Variants in TUSC3 observed in about 807,000 individuals in gnomAD.
TUSC3 encodes the protein dolichyl-diphosphooligosaccharide--protein glycosyltransferase subunit TUSC3.
A neutral mutation model predicts 44.8 loss-of-function variants in TUSC3; 45 were observed. The ratio of observed to expected loss-of-function variants is 1.00; its 90% CI spans 0.79 to 1.29. The LOEUF is 1.29. TUSC3 is among the 50% of genes most tolerant of loss of function. The pLI is 0.00. For missense variants in TUSC3, 519 were observed against 437.9 expected, an observed-to-expected ratio of 1.19 and a Z score of -1.65; for synonymous variants, 212 against 152.9, an observed-to-expected ratio of 1.39 and a Z score of -2.85.
chr8:15,545,836 T>G (rs1308198488), intron 1 of TUSC3, among the ~76,000 whole-genome samples: 1 of 151,708 alleles, frequency 6.6e-6, no homozygotes, highest in Non-Finnish European at 1.5e-5. Flanking sequence ...GTGAGTGTGG[T>G]CTGTTATGCC....
chr8:15,680,634 T>C (rs1000500694), intron 6 of TUSC3, among the ~76,000 whole-genome samples: 2 of 152,176 alleles, frequency 1.3e-5, no homozygotes, highest in Admixed American at 6.5e-5. Flanking sequence ...TGCTGAATAG[T>C]AGTAGAGAGT....
the TUSC3 span, among the ~76,000 whole-genome samples, chr8:15,843,574 T>C: frequency 3.4e-5 from 5 of 146,494 alleles, no homozygotes; most frequent in Non-Finnish European, 7.4e-5. Context: ...TGAACACCAA[T>C]ATAACACAAC....
At chr8:15,668,267 T>TC (rs1807769845) in intron 5 of TUSC3, among the ~76,000 whole-genome samples, 1 of 151,772 alleles carries the variant, frequency 6.6e-6, no homozygotes, top group Non-Finnish European at 1.5e-5. Flanking sequence ...CACTGTTACT[T>TC]ATAGCATTGT....
the TUSC3 span, among the ~76,000 whole-genome samples, chr8:15,833,302 AATTCCT>A: frequency 6.6e-6 from 1 of 152,174 alleles, no homozygotes; most frequent in Non-Finnish European, 1.5e-5. Context: ...ACAATGTGGC[AATTCCT>A]CAAAGACCTA....
the TUSC3 span, among the ~76,000 whole-genome samples, chr8:15,782,054 G>A: frequency 6.6e-6 from 1 of 152,214 alleles, no homozygotes; most frequent in Non-Finnish European, 1.5e-5. Context: ...ATAATCGCTT[G>A]AACTCAGGAG....
chr8:15,687,454 A>G (rs1294940310), intron 6 of TUSC3, among the ~76,000 whole-genome samples: 1 of 152,112 alleles, frequency 6.6e-6, no homozygotes, highest in East Asian at 1.9e-4. Context: ...TAATCTTTAT[A>G]TTCCTTTTTA....
Position 15,503,138 on chromosome 8 carries a change from CA to C in TUSC3, n.189+19658del, listed in dbSNP as rs138158335. On this transcript the variant is annotated intron_variant and non_coding_transcript_variant, in intron 2 of 5. Coordinates refer to the TUSC3 transcript ENST00000503191. Reference sequence around the variant, plus strand: ...GAGTGTATTTGGAGGGTTGGGTCTTCAAAGAGGTAATTATATTAAAATGAGA... The same window carrying C: ...GAGTGTATTTGGAGGGTTGGGTCTTCAAGAGGTAATTATATTAAAATGAGA... Among the ~76,000 whole-genome samples, 1,318 of 152,164 alleles carry C rather than the reference CA, an allele frequency of 8.7e-3. 19 individuals carry two copies. The highest frequency in any genetic ancestry group is 0.03 in the African/African-American group (1,245 of 41,492).
intron 9 of TUSC3, 68 bp from the exon 10 acceptor site, chr8:15,757,723 A>C: frequency 2.7e-6 from 4 of 1,473,454 alleles, no homozygotes; most frequent in Non-Finnish European, 3.8e-6. Context: ...AATATTGTAC[A>C]AATGGAAATT....
intron 1 of TUSC3, among the ~76,000 whole-genome samples, chr8:15,473,046 C>T (rs557582006): frequency 6.6e-6 from 1 of 152,206 alleles, no homozygotes; most frequent in African/African-American, 2.4e-5. Flanking sequence ...ATATATGCTG[C>T]CTTCATGAAG....
intron 1 of TUSC3, among the ~76,000 whole-genome samples, chr8:15,454,944 G>C (rs1025068646): frequency 6.6e-6 from 1 of 152,018 alleles, no homozygotes; most frequent in Non-Finnish European, 1.5e-5. Flanking sequence ...GATGTAACAG[G>C]CTCTCCCCTC....
intron 3 of TUSC3, among the ~76,000 whole-genome samples, chr8:15,654,198 G>T (rs1165706767): frequency 2.0e-5 from 3 of 152,294 alleles, no homozygotes; most frequent in Non-Finnish European, 4.4e-5. Flanking sequence ...GGGGAGTGAG[G>T]AAGATGGGGA....
chr8:15,444,406 C>T (rs1442825441), intron 1 of TUSC3, among the ~76,000 whole-genome samples: 1 of 152,088 alleles, frequency 6.6e-6, no homozygotes, highest in African/African-American at 2.4e-5. Context: ...AGGAGTGAGT[C>T]AGGGGAGATA....
chr8:15,450,439 A>G (rs563869150), intron 1 of TUSC3, among the ~76,000 whole-genome samples: 15 of 152,306 alleles, frequency 9.8e-5, no homozygotes, highest in African/African-American at 3.6e-4. Context: ...TAATCCCAGC[A>G]CTTGGGGAGA....
intron 2 of TUSC3, among the ~76,000 whole-genome samples, chr8:15,490,549 A>G (rs1800794543): frequency 6.6e-6 from 1 of 152,182 alleles, no homozygotes; most frequent in Admixed American, 6.5e-5. Flanking sequence ...GAAGGAGAAC[A>G]GCAGAGAGGG....
chr8:15,636,239 C>T (rs1360053487), intron 2 of TUSC3, among the ~76,000 whole-genome samples: 1 of 152,086 alleles, frequency 6.6e-6, no homozygotes, highest in Non-Finnish European at 1.5e-5. Context: ...TTACTCAGGC[C>T]TGGGCATTTA....
chr8:15,555,899 G>A (rs913803668), intron 1 of TUSC3, among the ~76,000 whole-genome samples: 3 of 151,392 alleles, frequency 2.0e-5, no homozygotes, highest in African/African-American at 7.3e-5. Flanking sequence ...ATAATTTATA[G>A]TTCTCTGATA....
At chr8:15,851,113 C>G in the TUSC3 span, among the ~76,000 whole-genome samples, 1 of 152,194 alleles carries the variant, frequency 6.6e-6, no homozygotes, top group South Asian at 2.1e-4. Flanking sequence ...AATGGGAGCT[C>G]AACATTAATG....
chr8:15,539,345 C>CTTTTTTTTTTTT (rs35685582), upstream of TUSC3, among the ~76,000 whole-genome samples: 18 of 69,396 alleles, frequency 2.6e-4, no homozygotes, highest in Middle Eastern at 0.015. Flanking sequence ...TGCTATGGTT[C>CTTTTTTTTTTTT]TTTTTTTTTT....
At chr8:15,548,667 T>C (rs1045694910) in intron 1 of TUSC3, among the ~76,000 whole-genome samples, 1 of 151,866 alleles carries the variant, frequency 6.6e-6, no homozygotes, top group African/African-American at 2.4e-5. Flanking sequence ...GTTTAGCACA[T>C]TTCAAATTGG....
Sources: gnomAD v4.1 joint callset for allele counts (sites outside exome capture counted in the v4.1 genomes callset) on GRCh38, gnomAD v4.1.1 for gene constraint, MANE v1.5 for transcripts, NCBI Gene and HGNC (gene_info 2026-07-23, HGNC 2026-07-21) for gene names.